The following ASIC2 variants were observed in gnomAD, a reference collection of about 807,000 sequenced individuals.
The protein encoded by ASIC2 is acid-sensing ion channel 2.
ASIC2 carries 25 observed loss-of-function variants against 57.3 expected under a neutral mutation model. The observed-to-expected ratio is 0.44, with a 90% CI of 0.32 to 0.61. The LOEUF (loss-of-function observed/expected upper bound fraction) is 0.61, where lower values mean the gene tolerates loss of function less well. ASIC2 is among the 20% of genes least tolerant of loss of function. The probability of loss-of-function intolerance (pLI) is 0.06; values close to 1 mark genes in which losing one functional copy is unlikely to be tolerated. For missense variants in ASIC2, 641 were observed against 738.1 expected (o/e 0.87, Z 1.52); for synonymous variants, 319 against 307.5 (o/e 1.04, Z -0.39).
intron 1 of ASIC2, among the ~76,000 whole-genome samples, chr17:33,994,745 A>G (rs1327980032): frequency 6.6e-6 from 1 of 152,124 alleles, no homozygotes; most frequent in Non-Finnish European, 1.5e-5. Context: ...CCCACTAGAA[A>G]GGATTAGGGA....
intron 1 of ASIC2, among the ~76,000 whole-genome samples, chr17:33,120,539 G>A (rs2092298021): frequency 6.6e-6 from 1 of 152,188 alleles, no homozygotes; most frequent in Admixed American, 6.5e-5. Flanking sequence ...ACCTGGAAAG[G>A]CATTCAAGAT....
At chr17:33,307,278 TTC>T (rs1491526018) in intron 1 of ASIC2, among the ~76,000 whole-genome samples, 10 of 35,534 alleles carry the variant, frequency 2.8e-4, no homozygotes, top group African/African-American at 1.3e-3. Flanking sequence ...CTCCTCTTCC[TTC>T]TTCTTCTTCT....
chr17:33,590,025 A>T (rs140840934), intron 1 of ASIC2, among the ~76,000 whole-genome samples: 4 of 152,128 alleles, frequency 2.6e-5, no homozygotes, highest in African/African-American at 4.8e-5. Flanking sequence ...ATAATCTCTC[A>T]CTTGTCCCTC....
intron 1 of ASIC2, chr17:33,635,122 A>T (rs574047565): frequency 5.3e-4 from 75 of 142,550 alleles, no homozygotes; most frequent in African/African-American, 1.9e-3. Context: ...TTCATCTCCA[A>T]CTCACTGTTT....
chr17:33,799,435 T>TTCC (rs1555562517), intron 1 of ASIC2, among the ~76,000 whole-genome samples: 7 of 43,016 alleles, frequency 1.6e-4, no homozygotes, highest in African/African-American at 6.1e-4. Context: ...TTCTTCTTTC[T>TTCC]TTCTTTCTTT....
At chr17:33,603,422 G>C (rs558208582) in intron 1 of ASIC2, among the ~76,000 whole-genome samples, 3 of 152,352 alleles carry the variant, frequency 2.0e-5, no homozygotes, top group Admixed American at 1.3e-4. Flanking sequence ...GGGCCAGCTA[G>C]TTGCAGCCCC....
intron 1 of ASIC2, among the ~76,000 whole-genome samples, chr17:34,110,506 G>A (rs934782812): frequency 6.6e-6 from 1 of 152,222 alleles, no homozygotes; most frequent in Non-Finnish European, 1.5e-5. Flanking sequence ...GCAGCAGGCG[G>A]GACAAAGCCC....
intron 1 of ASIC2, among the ~76,000 whole-genome samples, chr17:34,138,594 T>C (rs1319966080): frequency 5.3e-5 from 8 of 152,204 alleles, no homozygotes; most frequent in South Asian, 2.1e-4. Flanking sequence ...GTCACTGCCC[T>C]TCTCCACCAA....
intron 1 of ASIC2, among the ~76,000 whole-genome samples, chr17:33,174,850 A>G (rs1306051578): frequency 6.6e-6 from 1 of 152,110 alleles, no homozygotes; most frequent in Non-Finnish European, 1.5e-5. Flanking sequence ...TGTTGTATTA[A>G]GCCACTGAGA....
intron 1 of ASIC2, among the ~76,000 whole-genome samples, chr17:33,251,544 T>A (rs759750856): frequency 2.6e-5 from 4 of 152,138 alleles, no homozygotes; most frequent in Non-Finnish European, 5.9e-5. Flanking sequence ...ACTAGGCTGA[T>A]CTTGAACTCC....
chr17:33,284,234 A>G (rs908380204), intron 1 of ASIC2, among the ~76,000 whole-genome samples: 82 of 152,312 alleles, frequency 5.4e-4, no homozygotes, highest in African/African-American at 1.7e-3. Context: ...TCATGTTCCA[A>G]TTATGAGTGA....
intron 1 of ASIC2, among the ~76,000 whole-genome samples, chr17:33,154,552 A>G (rs1214251743): frequency 6.6e-6 from 1 of 152,186 alleles, no homozygotes; most frequent in East Asian, 1.9e-4. Flanking sequence ...GAAGTTAAGA[A>G]ACTTTTCCCA....
At chr17:33,958,281 T>G (rs536663850) in intron 1 of ASIC2, among the ~76,000 whole-genome samples, 21 of 152,256 alleles carry the variant, frequency 1.4e-4, no homozygotes, top group African/African-American at 4.8e-4. Context: ...AGGATCGTGG[T>G]CCTCTTCTCA....
At chr17:33,624,118 A>G (rs1905899340) in intron 1 of ASIC2, 1 of 152,232 alleles carries the variant, frequency 6.6e-6, no homozygotes. Flanking sequence ...GAAAGTCACC[A>G]TGACATTTTG....
intron 1 of ASIC2, among the ~76,000 whole-genome samples, chr17:33,884,514 G>A (rs1232669008): frequency 6.6e-6 from 1 of 152,106 alleles, no homozygotes; most frequent in Non-Finnish European, 1.5e-5. Flanking sequence ...TGGCAGCTAA[G>A]ATGTCTTCCT....
At chr17:33,621,492 T>A (rs928557124) in intron 1 of ASIC2, among the ~76,000 whole-genome samples, 1 of 152,196 alleles carries the variant, frequency 6.6e-6, no homozygotes, top group Non-Finnish European at 1.5e-5. Flanking sequence ...ATGGCCAGTG[T>A]ACGCTGGTTC....
chr17:33,192,444 CAAA>C (rs1567779534), intron 1 of ASIC2, among the ~76,000 whole-genome samples: 12 of 108,450 alleles, frequency 1.1e-4, no homozygotes, highest in Non-Finnish European at 1.5e-4. Context: ...CAAAACAAAA[CAAA>C]ACAAAACACA....
chr17:33,924,384 A>C (rs551931256), intron 1 of ASIC2, among the ~76,000 whole-genome samples: 79 of 152,344 alleles, frequency 5.2e-4, no homozygotes, highest in African/African-American at 1.8e-3. Context: ...TGTCTGAAAC[A>C]GAACACATGG....
chr17:33,477,685 C>T (rs1211639079), intron 1 of ASIC2, among the ~76,000 whole-genome samples: 1 of 152,180 alleles, frequency 6.6e-6, no homozygotes, highest in East Asian at 1.9e-4. Flanking sequence ...CGTCCCTGCC[C>T]TCAAGCACCT....
Sources: allele counts gnomAD v4.1 joint callset (sites outside exome capture counted in the v4.1 genomes callset), GRCh38; gene constraint gnomAD v4.1.1; transcripts MANE v1.5; gene names NCBI Gene and HGNC (gene_info 2026-07-23, HGNC 2026-07-21).